Variants in CACNA1I observed in about 807,000 individuals in gnomAD.
CACNA1I encodes voltage-dependent T-type calcium channel subunit alpha-1I.
CACNA1I carries 74 observed loss-of-function variants against 201.6 expected under a neutral mutation model. That is an observed-to-expected ratio of 0.37 (90% CI 0.30 to 0.45). CACNA1I has a LOEUF of 0.45. Ranked by LOEUF, CACNA1I falls within the 20% of genes least tolerant of loss-of-function variation. The pLI is 1.00. For synonymous variants in CACNA1I, 1,431 were observed against 1,345.2 expected, an observed-to-expected ratio of 1.06 and a Z score of -1.40; for missense variants, 2,346 against 3,138.1, an observed-to-expected ratio of 0.75 and a Z score of 6.03.
intron 5 of CACNA1I, among the ~76,000 whole-genome samples, chr22:39,637,148 G>A (rs142449918): frequency 2.6e-5 from 4 of 152,274 alleles, no homozygotes; most frequent in African/African-American, 9.6e-5. Context: ...CTTTATCTTG[G>A]CCACTGCCCT....
In CACNA1I at chr22:39,662,403, G is replaced by T. The variant is rs773710948; in HGVS notation, c.3340G>T (p.Asp1114Tyr). ...DVFTKMGDRG[D>Y]RGEDEEEIDY... Reference sequence around the variant, plus strand: ...CTTCACCAAGATGGGCGACCGCGGGGATCGCGGGGAGGATGAGGAGGAAAT... The same window carrying T: ...CTTCACCAAGATGGGCGACCGCGGGTATCGCGGGGAGGATGAGGAGGAAAT... Residue 1114 changes from aspartate (D) to tyrosine (Y), a missense_variant, in exon 17 of 37, where the codon GAT (aspartate) becomes TAT (tyrosine). Transcript: ENST00000402142. The T allele has an allele frequency of 1.2e-5, 18 of 1,464,424 alleles. No homozygotes were observed. The South Asian group carries it at 2.1e-4, about 17-fold the overall frequency. 90.7% of individuals were successfully genotyped at this position (1,464,424 alleles called of 1,614,324 possible).
chr22:39,638,100 T>C (rs549295759), intron 5 of CACNA1I, among the ~76,000 whole-genome samples: 4 of 152,288 alleles, frequency 2.6e-5, no homozygotes, highest in African/African-American at 9.6e-5. Context: ...CGCTATTAAA[T>C]GGCTAATTTT....
chr22:39,672,139 G>A, intron 26 of CACNA1I, 60 bp from the exon 27 acceptor site: 1 of 1,027,734 alleles, frequency 9.7e-7, no homozygotes, highest in Middle Eastern at 2.1e-4. Context: ...TTTCTGAGTG[G>A]AGGAAGGTTG....
chr22:39,581,636 G>A (rs1293090855), intron 1 of CACNA1I, among the ~76,000 whole-genome samples: 1 of 152,192 alleles, frequency 6.6e-6, no homozygotes, highest in African/African-American at 2.4e-5. Flanking sequence ...GCCCCTGCCA[G>A]GGAATTTAAG....
At position 39,589,518 on chromosome 22, in the gene CACNA1I, C is replaced by T. The variant is rs967059640; in HGVS notation, c.237-8633C>T. 6.6e-5 allele frequency among the ~76,000 whole-genome samples: 10 copies of T among 152,236 alleles called. No homozygotes were observed. In the South Asian group the frequency reaches 1.4e-3, roughly 22 times the overall value. ...GTTCAAATTGGTGGCCACTGTTGCT[C>T]GAACACATGCTACACCGTCACACAT... is the stretch of plus-strand genomic sequence containing the variant. On this transcript the variant is annotated intron_variant, in intron 1 of 36. Coordinates refer to ENST00000402142, the MANE Select transcript of CACNA1I (RefSeq NM_021096.4).
intron 4 of CACNA1I, among the ~76,000 whole-genome samples, chr22:39,621,660 G>A (rs1334979033): frequency 6.6e-6 from 1 of 152,160 alleles, no homozygotes; most frequent in African/African-American, 2.4e-5. Flanking sequence ...GGGTCTCAAG[G>A]TCACAATACG....
In CACNA1I at chr22:39,679,930, GC is replaced by G; in HGVS notation, c.5541+64del. ...GGGGCAGCACGAAACCTGGTGGGGG[GC>G]CTGTCCGAGGGCAGAGCCTGGCTCT... On this transcript the variant is annotated intron_variant, in intron 33 of 36. Transcript: ENST00000402142. The G allele has an allele frequency of 2.0e-6, 3 of 1,524,538 alleles. No individual in the cohort carries two copies. The South Asian group carries it at 3.6e-5, about 18-fold the overall frequency. The allele number at this position is 1,524,538 out of a possible 1,614,324, so 94.4% of individuals were successfully genotyped here. A position where few individuals can be genotyped will look rare whatever the true frequency, so the allele number is the denominator to read the frequency against.
At chr22:39,573,586 A>G (rs1932253717) in intron 1 of CACNA1I, among the ~76,000 whole-genome samples, 1 of 152,118 alleles carries the variant, frequency 6.6e-6, no homozygotes. Context: ...CTGGGAGCCC[A>G]GGGTGTTAGC....
intron 15 of CACNA1I, 83 bp from the exon 16 acceptor site, chr22:39,661,021 CTTGT>C: frequency 1.8e-6 from 2 of 1,093,176 alleles, no homozygotes; most frequent in Non-Finnish European, 2.7e-6. Flanking sequence ...CTGCTCCTTC[CTTGT>C]TTGTCTGTCT....
At position 39,677,249 on chromosome 22, in the gene CACNA1I, C is replaced by T. The variant is rs941570776; in HGVS notation, c.4855-92C>T. 4.9e-6 allele frequency: 4 copies of T among 813,282 alleles called. No homozygotes were observed. Among genetic ancestry groups the T allele is most frequent in the Admixed American group, 4.3e-5 (2 of 46,840 alleles). The allele number at this position is 813,282 out of a possible 1,614,324, so 50.4% of individuals were successfully genotyped here. A position where few individuals can be genotyped will look rare whatever the true frequency, so the allele number is the denominator to read the frequency against. On this transcript the variant is annotated intron_variant, in intron 29 of 36. Transcript: ENST00000402142. This position sits in a 1 kb window ranked among gnomAD's most constrained non-coding sequence, Gnocchi z 4.8. Reference sequence around the variant, plus strand: ...ACAGCTGCTCTGACCCACAGGCTGCCCAACCCCACTGCCCCAGCCTCCACC... The same window carrying T: ...ACAGCTGCTCTGACCCACAGGCTGCTCAACCCCACTGCCCCAGCCTCCACC...
At chr22:39,618,250 CCTG>C (rs749922971) in intron 3 of CACNA1I, among the ~76,000 whole-genome samples, 50,314 of 94,684 alleles carry the variant, frequency 0.53, 10,014 homozygotes, top group Non-Finnish European at 0.59. Flanking sequence ...TGGTTGTGTG[CCTG>C]TGTGTGTGTG....
chr22:39,583,749 G>A (rs1196369680), intron 1 of CACNA1I, among the ~76,000 whole-genome samples: 4 of 152,312 alleles, frequency 2.6e-5, no homozygotes, highest in South Asian at 2.1e-4. Flanking sequence ...TATTGGGCAC[G>A]ATCACTCATC....
rs527928921 is a variant in CACNA1I, at chr22:39,677,477, TG to T, written c.4933+65del. On this transcript the variant is annotated intron_variant, in intron 30 of 36. Coordinates refer to ENST00000402142, the MANE Select transcript of CACNA1I (RefSeq NM_021096.4). This position sits in a 1 kb window ranked among gnomAD's most constrained non-coding sequence, Gnocchi z 4.8. ...GGTGCAGCAGGGCTGCAGGAGGAAC[TG>T]GGGGGGCGGGGGAGGCCTGAGACCC... The T allele has an allele frequency of 2.4e-4, 220 of 921,194 alleles. No homozygotes were observed. The highest frequency in any genetic ancestry group is 1.1e-3 in the East Asian group (39 of 36,752). 57.1% of individuals were successfully genotyped at this position (921,194 alleles called of 1,614,324 possible). A position where few individuals can be genotyped will look rare whatever the true frequency, so the allele number is the denominator to read the frequency against.
chr22:39,615,211 G>T (rs143257539), intron 3 of CACNA1I, among the ~76,000 whole-genome samples: 1 of 152,216 alleles, frequency 6.6e-6, no homozygotes, highest in South Asian at 2.1e-4. Flanking sequence ...AAATTGAGAC[G>T]TGGTGCTTAT....
At chr22:39,636,790 C>T (rs539308605) in intron 5 of CACNA1I, among the ~76,000 whole-genome samples, 26 of 152,304 alleles carry the variant, frequency 1.7e-4, no homozygotes, top group African/African-American at 4.6e-4. Flanking sequence ...GTCCTCTTTT[C>T]GGGCTCTCCC....
At chr22:39,622,174 C>T (rs1224029687) in intron 4 of CACNA1I, among the ~76,000 whole-genome samples, 2 of 152,144 alleles carry the variant, frequency 1.3e-5, no homozygotes. Context: ...CTCTGCCTGG[C>T]GGACAGAAGG....
chr22:39,683,155 T>A (rs114034999), intron 35 of CACNA1I, among the ~76,000 whole-genome samples: 1,946 of 152,352 alleles, frequency 0.013, 44 homozygotes, highest in African/African-American at 0.044. Context: ...GTGTTCTGTT[T>A]ATGCTTTGGG....
At position 39,679,730 on chromosome 22, in the gene CACNA1I, G is replaced by C. The variant is rs1387882459; in HGVS notation, c.5403G>C (p.Leu1801=). The change falls in exon 33 of 37, where the codon CTG becomes CTC. Residue 1801 remains leucine (L), a synonymous_variant. Coordinates refer to ENST00000402142, the MANE Select transcript of CACNA1I (RefSeq NM_021096.4). ...CGTCCCCGTCCGCCTAGGAGAACCT[G>C]TGGCTGGACAGCGTCTCTTTAATCA... ...RRCYSPAQEN[L]WLDSVSLIIK... 6.2e-7 allele frequency: 1 copy of C among 1,612,028 alleles called. No individual in the cohort carries two copies. The highest frequency in any genetic ancestry group is 8.5e-7 in the Non-Finnish European group (1 of 1,179,260).
rs1415809939 is a variant in CACNA1I at position 39,618,877 on chromosome 22, C to T, written c.483-433C>T. ...AGACTTCCTGAAGGAGGCAAACTGC[C>T]TCCAAAGAGCTGCAGGGCTAGTTGA... On this transcript the variant is annotated intron_variant, in intron 3 of 36. Coordinates refer to ENST00000402142, the MANE Select transcript of CACNA1I (RefSeq NM_021096.4). Among the ~76,000 whole-genome samples, 5 of 152,142 alleles carry T rather than the reference C, an allele frequency of 3.3e-5. No homozygotes were observed. In the East Asian group the frequency reaches 9.6e-4, roughly 29 times the overall value.
Sources: allele counts gnomAD v4.1 joint callset (sites outside exome capture counted in the v4.1 genomes callset), GRCh38; gene constraint gnomAD v4.1.1; non-coding constraint Gnocchi (gnomAD v3.1); transcripts MANE v1.5; gene names NCBI Gene and HGNC (gene_info 2026-07-23, HGNC 2026-07-21).